USP16: variants seen among roughly 807,000 people sequenced by gnomAD.
USP16 encodes ubiquitin specific peptidase 16.
USP16 carries 77 observed loss-of-function variants against 95.9 expected under a neutral mutation model. The observed-to-expected ratio is 0.80, with a 90% CI of 0.67 to 0.97. The LOEUF (loss-of-function observed/expected upper bound fraction) is 0.97. Ranked by LOEUF, USP16 falls within the 50% of genes least tolerant of loss-of-function variation. The pLI is 0.00. For synonymous variants in USP16, 303 were observed against 318.2 expected (o/e 0.95, Z 0.51); for missense variants, 943 against 959.9 (o/e 0.98, Z 0.23).
intron 10 of USP16, among the ~76,000 whole-genome samples, chr21:29,041,157 G>A (rs1197979606): frequency 6.6e-6 from 1 of 152,042 alleles, no homozygotes; most frequent in Non-Finnish European, 1.5e-5. Context: ...TGAAACTGAG[G>A]AACTACATTT....
chr21:29,034,296 G>A (rs1018088910), intron 3 of USP16, among the ~76,000 whole-genome samples: 2 of 146,800 alleles, frequency 1.4e-5, no homozygotes, highest in Non-Finnish European at 3.0e-5. Flanking sequence ...TTGAGTGCAT[G>A]GTTTTCTTTT....
chr21:29,031,642 TG>T (rs1433895089), intron 3 of USP16, among the ~76,000 whole-genome samples: 1 of 152,246 alleles, frequency 6.6e-6, no homozygotes, highest in Non-Finnish European at 1.5e-5. Context: ...TTTGCCATGT[TG>T]GCCAGGCTGG....
At chr21:29,045,629 G>A (rs929001642) in intron 13 of USP16, among the ~76,000 whole-genome samples, 9 of 151,580 alleles carry the variant, frequency 5.9e-5, no homozygotes, top group African/African-American at 1.9e-4. Flanking sequence ...CTTTCTGTTA[G>A]TGTGGAGTCA....
intron 1 of USP16, among the ~76,000 whole-genome samples, chr21:29,025,980 T>G (rs1482657365): frequency 6.6e-6 from 1 of 152,248 alleles, no homozygotes; most frequent in Non-Finnish European, 1.5e-5. Context: ...GGGGACAAGA[T>G]GACTAGAGCA....
At chr21:29,053,778 T>A in intron 16 of USP16, 24 bp from the exon 17 acceptor site, 1 of 1,607,574 alleles carries the variant, frequency 6.2e-7, no homozygotes, top group Non-Finnish European at 8.5e-7. Flanking sequence ...AGAACTAACT[T>A]TTGGATTCTA....
chr21:29,038,279 C>A, intron 6 of USP16, 56 bp from the exon 7 acceptor site: 1 of 1,184,386 alleles, frequency 8.4e-7, no homozygotes, highest in Non-Finnish European at 1.2e-6. Context: ...TAAGAAGTGT[C>A]AGAGTTGATT....
chr21:29,036,231 G>T lies in USP16; in HGVS notation c.345-40G>T, dbSNP rs751556623. The T allele has an allele frequency of 2.0e-6, 3 of 1,521,718 alleles. No homozygotes were observed. The highest frequency in any genetic ancestry group is 1.8e-5 in the Admixed American group (1 of 55,810). The allele number at this position is 1,521,718 out of a possible 1,614,324, so 94.3% of individuals were successfully genotyped here. A position where few individuals can be genotyped will look rare whatever the true frequency, so the allele number is the denominator to read the frequency against. On this transcript the variant is annotated intron_variant, in intron 4 of 17. Transcript: ENST00000399976. ...ATTATTTGTCTCCCCCTTTTTAGTT[G>T]TCATTTTGTCATTTTTCATCTCTGA...
intron 3 of USP16, among the ~76,000 whole-genome samples, chr21:29,034,302 C>CTT (rs575549987): frequency 1.5e-4 from 20 of 136,378 alleles, no homozygotes; most frequent in Admixed American, 2.2e-4. Flanking sequence ...GCATGGTTTT[C>CTT]TTTTTTTTTT....
chr21:29,037,704 G>T (rs1269990114), intron 6 of USP16, among the ~76,000 whole-genome samples: 1 of 148,350 alleles, frequency 6.7e-6, no homozygotes, highest in East Asian at 2.0e-4. Context: ...TCCTACCTTA[G>T]CCTCCAGAGT....
At chr21:29,043,383 G>C in intron 12 of USP16, 40 bp from the exon 13 acceptor site, 1 of 1,328,074 alleles carries the variant, frequency 7.5e-7, no homozygotes, top group South Asian at 2.3e-5. Flanking sequence ...AATGGTAGTT[G>C]TAAAATTTTG....
chr21:29,039,746 A>T (rs766407223), intron 9 of USP16, among the ~76,000 whole-genome samples, 178 bp downstream of exon 9: 2 of 152,202 alleles, frequency 1.3e-5, no homozygotes, highest in African/African-American at 4.8e-5. Context: ...GAATCCAGAG[A>T]ATTAGCAGTA....
At chr21:29,043,174 A>G (rs764619721) in intron 12 of USP16, 40 of 256,190 alleles carry the variant, frequency 1.6e-4, no homozygotes, top group Non-Finnish European at 2.8e-4. Context: ...AAATTTCGTT[A>G]TATTTCTATT....
chr21:29,042,538 T>C lies in USP16; in HGVS notation c.1179+10T>C, dbSNP rs748219197. On this transcript the variant is annotated intron_variant, in intron 12 of 17. Transcript: ENST00000399976. ...AGTTTTAGATGATCAGGTAAGACTA[T>C]TGAATTTATTTTATTCAAGTAGATT... 6 of 1,588,196 alleles carry C rather than the reference T, an allele frequency of 3.8e-6. No homozygotes were observed. The highest frequency in any genetic ancestry group is 3.5e-5 in the South Asian group (3 of 85,942).
intron 16 of USP16, among the ~76,000 whole-genome samples, chr21:29,051,931 G>A (rs2085421228): frequency 6.6e-6 from 1 of 152,128 alleles, no homozygotes; most frequent in East Asian, 1.9e-4. Context: ...ACTATGACAA[G>A]GTACATGATC....
chr21:29,047,146 T>A lies in USP16; in HGVS notation c.1836T>A (p.Asp612Glu). Residue 612 changes from aspartate (D) to glutamate (E), a missense_variant, in exon 14 of 18, where the codon GAT (aspartate) becomes GAA (glutamate). Asp to Glu is a conservative substitution (Grantham distance 45). Coordinates refer to ENST00000399976, the MANE Select transcript of USP16 (RefSeq NM_006447.3). ...GTKVYEVVNE[D>E]PETAFCTLAN... Reference sequence around the variant, plus strand: ...AGGTGTATGAGGTTGTAAATGAAGATCCAGAAACTGCTTTCTGTACTCTTG... The same window carrying A: ...AGGTGTATGAGGTTGTAAATGAAGAACCAGAAACTGCTTTCTGTACTCTTG... 6.2e-7 allele frequency: 1 copy of A among 1,614,106 alleles called. No individual in the cohort carries two copies. The highest frequency in any genetic ancestry group is 8.5e-7 in the Non-Finnish European group (1 of 1,180,002).
intron 2 of USP16, among the ~76,000 whole-genome samples, chr21:29,028,868 A>C (rs1209757480): frequency 6.6e-6 from 1 of 152,268 alleles, no homozygotes; most frequent in Non-Finnish European, 1.5e-5. Flanking sequence ...TGAATGGCTC[A>C]GTAGTAAACA....
chr21:29,035,140 A>G (rs1009565323), intron 4 of USP16, among the ~76,000 whole-genome samples, 200 bp downstream of exon 4: 5 of 152,230 alleles, frequency 3.3e-5, no homozygotes, highest in African/African-American at 1.2e-4. Flanking sequence ...ACATTGTAAC[A>G]TAGAAGACTT....
In USP16 at chr21:29,054,291, T is replaced by C; in HGVS notation, c.*104T>C. On this transcript the variant is annotated 3_prime_UTR_variant, in exon 18 of 18. Transcript: ENST00000399976. Reference sequence around the variant, plus strand: ...AAAATCATGTTCACTTAACATTAAATACATGCCAGAAGAAATCATGTTTAT... The same window carrying C: ...AAAATCATGTTCACTTAACATTAAACACATGCCAGAAGAAATCATGTTTAT... 1 of 1,328,270 alleles carries C rather than the reference T, an allele frequency of 7.5e-7. No homozygotes were observed. Among genetic ancestry groups the C allele is most frequent in the Non-Finnish European group, 1.0e-6 (1 of 971,460 alleles). 82.3% of individuals were successfully genotyped at this position (1,328,270 alleles called of 1,614,324 possible). A position where few individuals can be genotyped will look rare whatever the true frequency, so the allele number is the denominator to read the frequency against.
At position 29,046,701 on chromosome 21, in the gene USP16, T is replaced by G. The variant is rs1440367649; in HGVS notation, c.1391T>G (p.Val464Gly). 1 of 1,608,002 alleles carries G rather than the reference T, an allele frequency of 6.2e-7. No individual in the cohort carries two copies. Among genetic ancestry groups the G allele is most frequent in the African/African-American group, 1.3e-5 (1 of 74,596 alleles). ...QRRQQKIQGK[V>G]LHLNDICTID... ...AGACAACAAAAAATTCAAGGAAAAG[T>G]TCTTCATTTAAATGATATTTGTACT... Residue 464 changes from valine (V) to glycine (G), a missense_variant, in exon 14 of 18, where the codon GTT becomes GGT. Coordinates refer to ENST00000399976, the MANE Select transcript of USP16 (RefSeq NM_006447.3).
Sources: gnomAD v4.1 joint callset for allele counts (sites outside exome capture counted in the v4.1 genomes callset) on GRCh38, gnomAD v4.1.1 for gene constraint, MANE v1.5 for transcripts, NCBI Gene and HGNC (gene_info 2026-07-23, HGNC 2026-07-21) for gene names.